The following ERO1B variants were observed in gnomAD, a reference collection of about 807,000 sequenced individuals.
The protein encoded by ERO1B is endoplasmic reticulum oxidoreductase 1 beta, also known as ERO1-like protein beta.
ERO1B carries 49 observed loss-of-function variants against 75.3 expected under a neutral mutation model. The observed-to-expected ratio is 0.65, with a 90% CI of 0.52 to 0.83. The LOEUF (loss-of-function observed/expected upper bound fraction) is 0.83. ERO1B is among the 40% of genes least tolerant of loss of function. The pLI, the probability that ERO1B is intolerant of heterozygous loss-of-function variation, is 0.00. For synonymous variants in ERO1B, 191 were observed against 192.9 expected (o/e 0.99, Z 0.08); for missense variants, 512 against 560.1 (o/e 0.91, Z 0.87).
chr1:236,220,917 T>C lies in ERO1B; in HGVS notation c.1258A>G (p.Ile420Val), dbSNP rs1217621127. The change falls in exon 15 of 16, where the codon ATC becomes GTC. Residue 420 changes from isoleucine (I) to valine (V), a missense_variant. Coordinates refer to ENST00000354619, the MANE Select transcript of ERO1B (RefSeq NM_019891.4). ...ALKILFSEKE[I>V]QKLPENSPSK... ...GGACTATTCTCTGGAAGCTTTTGGATTTCTTTTTCAGAGAATAATATCTTC... is the reference window on the plus strand; with the variant it reads ...GGACTATTCTCTGGAAGCTTTTGGACTTCTTTTTCAGAGAATAATATCTTC... The C allele has an allele frequency of 1.2e-6, 2 of 1,604,078 alleles. No individual in the cohort carries two copies. The highest frequency in any genetic ancestry group is 3.4e-5 in the Admixed American group (2 of 58,806).
chr1:236,279,578 C>T (rs1422088772), intron 1 of ERO1B, among the ~76,000 whole-genome samples: 8 of 150,760 alleles, frequency 5.3e-5, no homozygotes, highest in Non-Finnish European at 1.2e-4. Context: ...CCTGTAATCC[C>T]AGCACTTTGG....
At chr1:236,220,735 A>C in intron 15 of ERO1B, 97 bp downstream of exon 15, 2 of 1,227,986 alleles carry the variant, frequency 1.6e-6, no homozygotes, top group Non-Finnish European at 2.1e-6. Context: ...TTTTTTTGTC[A>C]ACAAAACAAA....
At chr1:236,279,157 C>T (rs996034772) in intron 1 of ERO1B, among the ~76,000 whole-genome samples, 1 of 152,132 alleles carries the variant, frequency 6.6e-6, no homozygotes, top group Non-Finnish European at 1.5e-5. Flanking sequence ...CTCAATGGTC[C>T]CACTTCGGAG....
At chr1:236,236,757 CAT>C (rs779323030) in intron 6 of ERO1B, among the ~76,000 whole-genome samples, 4 of 152,158 alleles carry the variant, frequency 2.6e-5, no homozygotes, top group African/African-American at 9.7e-5. Flanking sequence ...TTTAATATTT[CAT>C]ATGATTTCTT....
At position 236,275,115 on chromosome 1, in the gene ERO1B, C is replaced by T. The variant is rs115003377; in HGVS notation, c.103-5121G>A. Among the ~76,000 whole-genome samples the T allele has an allele frequency of 6.4e-3, 975 of 152,322 alleles. 12 individuals carry two copies. The highest frequency in any genetic ancestry group is 0.022 in the African/African-American group (911 of 41,570). On this transcript the variant is annotated intron_variant, in intron 1 of 15. Coordinates refer to ENST00000354619, the MANE Select transcript of ERO1B (RefSeq NM_019891.4). ...GACCACTATAAGATTTTAGCTTTTA[C>T]TGAATCTGAGTTATTTTCTCACACC...
chr1:236,229,335 G>A (rs1478142444), intron 10 of ERO1B, among the ~76,000 whole-genome samples: 2 of 151,922 alleles, frequency 1.3e-5, no homozygotes, highest in East Asian at 1.9e-4. Flanking sequence ...TGAGGCAGGA[G>A]GATCACTTGA....
At chr1:236,222,975 G>A (rs1664192002) in intron 13 of ERO1B, among the ~76,000 whole-genome samples, 1 of 152,108 alleles carries the variant, frequency 6.6e-6, no homozygotes, top group Non-Finnish European at 1.5e-5. Context: ...GGAGACCAAG[G>A]TGTGATCACT....
intron 6 of ERO1B, among the ~76,000 whole-genome samples, chr1:236,237,529 AAAATT>A (rs1374356807): frequency 1.3e-5 from 2 of 152,240 alleles, no homozygotes; most frequent in African/African-American, 4.8e-5. Context: ...TAGCTAAAGA[AAAATT>A]ATAATGACCA....
chr1:236,264,416 T>C (rs954652178), intron 2 of ERO1B, among the ~76,000 whole-genome samples: 2 of 152,240 alleles, frequency 1.3e-5, no homozygotes, highest in Non-Finnish European at 2.9e-5. Flanking sequence ...GACAACTTTT[T>C]TCATTTATAA....
Position 236,245,132 on chromosome 1 carries a change from G to A in ERO1B, c.432-1637C>T, listed in dbSNP as rs543918324. Reference sequence around the variant, plus strand: ...AGCCTCCCAAGTAGCTCGAACTATAGACATACGCCAACACATCCAGCTAAT... The same window carrying A: ...AGCCTCCCAAGTAGCTCGAACTATAAACATACGCCAACACATCCAGCTAAT... On this transcript the variant is annotated intron_variant, in intron 5 of 15. Coordinates refer to ENST00000354619, the MANE Select transcript of ERO1B (RefSeq NM_019891.4). Among the ~76,000 whole-genome samples the A allele has an allele frequency of 1.1e-4, 16 of 150,564 alleles. No homozygotes were observed. In the East Asian group the frequency reaches 2.6e-3, roughly 24 times the overall value.
At chr1:236,250,650 A>G (rs1243023947) in intron 4 of ERO1B, among the ~76,000 whole-genome samples, 1 of 133,424 alleles carries the variant, frequency 7.5e-6, no homozygotes, top group Admixed American at 7.9e-5. Context: ...ATATATATAT[A>G]TGGTCAAATT....
At chr1:236,279,545 C>A (rs1050229464) in intron 1 of ERO1B, among the ~76,000 whole-genome samples, 1 of 139,332 alleles carries the variant, frequency 7.2e-6, no homozygotes, top group African/African-American at 2.6e-5. Context: ...GTACTGCTGG[C>A]GGCCTGGGCG....
In ERO1B at chr1:236,215,935, A is replaced by G. The variant is rs1400748813; in HGVS notation, c.*2581T>C. On this transcript the variant is annotated 3_prime_UTR_variant, in exon 16 of 16. Transcript: ENST00000354619. ...TTTCATATACATACAGAGATTACAA[A>G]TATCGAATAATTCACAATGTTAAAA... The G allele has an allele frequency of 6.6e-6, 1 of 151,470 alleles. No homozygotes were observed. The highest frequency in any genetic ancestry group is 1.5e-5 in the Non-Finnish European group (1 of 67,974). The allele number at this position is 151,470 out of a possible 1,614,324, so 9.4% of individuals were successfully genotyped here.
At chr1:236,267,473 G>C (rs1007063703) in intron 2 of ERO1B, among the ~76,000 whole-genome samples, 2 of 152,074 alleles carry the variant, frequency 1.3e-5, no homozygotes, top group African/African-American at 2.4e-5. Flanking sequence ...GACCAAGCCT[G>C]CTAGGGATAG....
intron 2 of ERO1B, among the ~76,000 whole-genome samples, chr1:236,268,283 T>C (rs939649997): frequency 2.6e-5 from 4 of 152,064 alleles, no homozygotes; most frequent in Non-Finnish European, 5.9e-5. Flanking sequence ...CTACTAAAAA[T>C]ACAAAAATTA....
At chr1:236,252,130 T>C (rs1665043769) in intron 3 of ERO1B, 39 bp from the exon 4 acceptor site, 2 of 1,372,336 alleles carry the variant, frequency 1.5e-6, no homozygotes, top group East Asian at 4.6e-5. Context: ...TTTTAAGTGA[T>C]CTTTATTTTT....
chr1:236,250,081 C>A, intron 4 of ERO1B, 114 bp from the exon 5 acceptor site: 1 of 556,416 alleles, frequency 1.8e-6, no homozygotes, highest in Non-Finnish European at 2.9e-6. Context: ...TACATACATT[C>A]CATTATAAAA....
At chr1:236,223,202 C>CAAAA (rs11322079) in intron 13 of ERO1B, among the ~76,000 whole-genome samples, 7 of 80,930 alleles carry the variant, frequency 8.6e-5, no homozygotes, top group African/African-American at 1.4e-4. Context: ...AACTCTGTCT[C>CAAAA]AAAAAAAAAA....
chr1:236,238,926 A>G (rs1397095758), intron 6 of ERO1B, among the ~76,000 whole-genome samples: 4 of 152,094 alleles, frequency 2.6e-5, no homozygotes. Context: ...AAAAATCACA[A>G]GAGGAAAATC....
Sources: gnomAD v4.1 joint callset for allele counts (sites outside exome capture counted in the v4.1 genomes callset) on GRCh38, gnomAD v4.1.1 for gene constraint, MANE v1.5 for transcripts, NCBI Gene and HGNC (gene_info 2026-07-23, HGNC 2026-07-21) for gene names.